The following GRIN2A variants were observed in gnomAD, a reference collection of about 807,000 sequenced individuals.
GRIN2A encodes the protein glutamate receptor ionotropic, NMDA 2A.
A neutral mutation model predicts 113.4 loss-of-function variants in GRIN2A; 22 were observed. The observed-to-expected ratio is 0.19, with a 90% CI of 0.14 to 0.28. GRIN2A has a LOEUF of 0.28. Among genes scored for constraint, GRIN2A ranks in the 10% least tolerant of loss-of-function variants. The pLI is 1.00. For missense variants in GRIN2A, 1,502 were observed against 1,887.0 expected, an observed-to-expected ratio of 0.80 and a Z score of 3.78; for synonymous variants, 827 against 738.4, an observed-to-expected ratio of 1.12 and a Z score of -1.94.
At chr16:9,939,457 G>C (rs954335430) in intron 2 of GRIN2A, among the ~76,000 whole-genome samples, 2 of 152,118 alleles carry the variant, frequency 1.3e-5, no homozygotes, top group Admixed American at 1.3e-4. Flanking sequence ...CTAGAAAGTG[G>C]CATGGTAACT....
Position 10,180,492 on chromosome 16 carries a change from C to T in GRIN2A, c.-18-63G>A. On this transcript the variant is annotated intron_variant, in intron 1 of 12. Coordinates refer to ENST00000330684, the MANE Select transcript of GRIN2A (RefSeq NM_001134407.3). This position sits in a 1 kb window ranked among gnomAD's most constrained non-coding sequence, Gnocchi z 7.0. The stretch of plus-strand genomic sequence containing the variant: ...CAAGGCGACCAGAAGAAAGGGATTA[C>T]CAACTTGGCTTCCTGCTCTAGGAGC... The T allele has an allele frequency of 6.5e-7, 1 of 1,544,212 alleles. No individual in the cohort carries two copies. The highest frequency in any genetic ancestry group is 1.2e-5 in the South Asian group (1 of 85,044).
intron 2 of GRIN2A, among the ~76,000 whole-genome samples, chr16:10,136,217 A>C (rs1198406562): frequency 6.6e-6 from 1 of 152,122 alleles, no homozygotes; most frequent in African/African-American, 2.4e-5. Context: ...TGGAAAGCCA[A>C]TATTGTAAAT....
At chr16:10,010,363 G>A (rs1247120253) in intron 2 of GRIN2A, among the ~76,000 whole-genome samples, 1 of 152,148 alleles carries the variant, frequency 6.6e-6, no homozygotes, top group Non-Finnish European at 1.5e-5. Context: ...AATAACTAAT[G>A]GGTACTAGGC....
At chr16:10,141,534 A>T (rs779408434) in intron 2 of GRIN2A, among the ~76,000 whole-genome samples, 6 of 152,140 alleles carry the variant, frequency 3.9e-5, no homozygotes, top group Non-Finnish European at 7.4e-5. Flanking sequence ...TACAGAGAAG[A>T]ATCAAGGGGA....
intron 3 of GRIN2A, among the ~76,000 whole-genome samples, chr16:9,925,744 G>A (rs760079972): frequency 2.0e-5 from 3 of 152,106 alleles, no homozygotes; most frequent in Non-Finnish European, 4.4e-5. Context: ...GTCTGTAGGG[G>A]ATATTACAGT....
intron 2 of GRIN2A, among the ~76,000 whole-genome samples, chr16:10,098,635 G>A (rs962192284): frequency 6.6e-6 from 1 of 152,158 alleles, no homozygotes; most frequent in African/African-American, 2.4e-5. Context: ...CCTTAAAAAG[G>A]AATGAATTAA....
At chr16:9,854,771 T>C (rs1304190311) in intron 4 of GRIN2A, among the ~76,000 whole-genome samples, 1 of 152,170 alleles carries the variant, frequency 6.6e-6, no homozygotes, top group Admixed American at 6.5e-5. Flanking sequence ...ATACCAGGGT[T>C]GCACCGCATT....
In GRIN2A at chr16:9,764,286, A is replaced by G. The variant is rs138347184; in HGVS notation, c.3258T>C (p.Phe1086=). The change falls in exon 13 of 13, where the codon TTT becomes TTC. Residue 1086 remains phenylalanine, a synonymous_variant. Coordinates refer to ENST00000330684, the MANE Select transcript of GRIN2A (RefSeq NM_001134407.3). ...GGTATTTGGAGGCCACTGACCTTTT[A>G]AAGTTGTCCTTGGTTTTGTGGTTCT... ...NSKNHKTKDN[F]KRSVASKYPK... 6.2e-7 allele frequency: 1 copy of G among 1,613,774 alleles called. No homozygotes were observed. Among genetic ancestry groups the G allele is most frequent in the Non-Finnish European group, 8.5e-7 (1 of 1,179,976 alleles).
chr16:10,000,613 T>C (rs1314052426), intron 2 of GRIN2A, among the ~76,000 whole-genome samples: 2 of 152,032 alleles, frequency 1.3e-5, no homozygotes, highest in Non-Finnish European at 2.9e-5. Context: ...GAGAGAACAG[T>C]GTTCTGGGTA....
At chr16:9,866,149 A>G (rs2043156988) in intron 4 of GRIN2A, among the ~76,000 whole-genome samples, 1 of 152,236 alleles carries the variant, frequency 6.6e-6, no homozygotes, top group African/African-American at 2.4e-5. Flanking sequence ...ATAAAATACA[A>G]TGCCCTCTGA....
intron 4 of GRIN2A, among the ~76,000 whole-genome samples, chr16:9,889,916 G>C (rs1250397323): frequency 6.6e-6 from 1 of 152,180 alleles, no homozygotes; most frequent in African/African-American, 2.4e-5. Context: ...TCGAAAGGCT[G>C]TGCATTTTAT....
intron 2 of GRIN2A, among the ~76,000 whole-genome samples, chr16:10,071,053 T>C (rs538933154): frequency 6.6e-6 from 1 of 152,276 alleles, no homozygotes. Flanking sequence ...ACTCTCCTCA[T>C]GCCATCCGAT....
chr16:9,940,821 T>C (rs369512147), intron 2 of GRIN2A, among the ~76,000 whole-genome samples: 2 of 152,126 alleles, frequency 1.3e-5, no homozygotes, highest in East Asian at 1.9e-4. Context: ...GAGGAGAATA[T>C]AGAAGACCTA....
chr16:10,026,016 C>T (rs1330494099), intron 2 of GRIN2A, among the ~76,000 whole-genome samples: 1 of 152,222 alleles, frequency 6.6e-6, no homozygotes, highest in Non-Finnish European at 1.5e-5. Context: ...TCACACAATA[C>T]TGTCTGGCTA....
Position 10,002,792 on chromosome 16 carries a change from C to T in GRIN2A, c.415-64241G>A, listed in dbSNP as rs1213852448. 6.6e-5 allele frequency among the ~76,000 whole-genome samples: 10 copies of T among 152,254 alleles called. No homozygotes were observed. The East Asian group carries it at 7.7e-4, about 12-fold the overall frequency. ...ATTCAGGATTTTGTGTTAAAATCTT[C>T]CTATTTTAACAGTTGGTAAACCATG... On this transcript the variant is annotated intron_variant, in intron 2 of 12. Transcript: ENST00000330684.
chr16:9,842,182 C>T lies in GRIN2A; in HGVS notation c.1329-1078G>A, dbSNP rs535693658. Among the ~76,000 whole-genome samples, 23 of 151,292 alleles carry T rather than the reference C, an allele frequency of 1.5e-4. 1 individual carries two copies. The South Asian group carries it at 4.8e-3, about 32-fold the overall frequency. On this transcript the variant is annotated intron_variant, in intron 5 of 12. Coordinates refer to ENST00000330684, the MANE Select transcript of GRIN2A (RefSeq NM_001134407.3). ...ATAAGAATCACTTGAACCCAGGAGG[C>T]GGGGGCTGCAGTGAGCCAATATCAT...
At chr16:10,045,799 C>T (rs906556922) in intron 2 of GRIN2A, among the ~76,000 whole-genome samples, 3 of 152,214 alleles carry the variant, frequency 2.0e-5, no homozygotes, top group Admixed American at 2.0e-4. Context: ...TGATGGAGTC[C>T]TCATTTTGTT....
chr16:10,075,854 T>A (rs894076744), intron 2 of GRIN2A, among the ~76,000 whole-genome samples: 2 of 152,200 alleles, frequency 1.3e-5, no homozygotes, highest in Non-Finnish European at 2.9e-5. Flanking sequence ...ATAATTAATA[T>A]GCTAAAAAAT....
At chr16:10,114,667 C>T (rs1486859313) in intron 2 of GRIN2A, among the ~76,000 whole-genome samples, 1 of 152,202 alleles carries the variant, frequency 6.6e-6, no homozygotes, top group Non-Finnish European at 1.5e-5. Flanking sequence ...TATGAACCCA[C>T]TGATTTCTGA....
Sources: allele counts gnomAD v4.1 joint callset (sites outside exome capture counted in the v4.1 genomes callset), GRCh38; gene constraint gnomAD v4.1.1; non-coding constraint Gnocchi (gnomAD v3.1); transcripts MANE v1.5; gene names NCBI Gene and HGNC (gene_info 2026-07-23, HGNC 2026-07-21).